PPL: variants seen among roughly 807,000 people sequenced by gnomAD.
PPL encodes periplakin.
Under a neutral mutation model 194.4 loss-of-function variants are expected in PPL, and 198 were observed. That is an observed-to-expected ratio of 1.02 (90% CI 0.91 to 1.15). The LOEUF is 1.15. PPL is among the 50% of genes most tolerant of loss of function. The probability of loss-of-function intolerance (pLI) is 0.00; values close to 1 mark genes in which losing one functional copy is unlikely to be tolerated. For synonymous variants in PPL, 1,220 were observed against 972.4 expected, an observed-to-expected ratio of 1.25 and a Z score of -4.74; for missense variants, 2,885 against 2,294.8, an observed-to-expected ratio of 1.26 and a Z score of -5.25.
At chr16:4,893,154 C>A in intron 14 of PPL, 59 bp downstream of exon 14, 2 of 1,446,034 alleles carry the variant, frequency 1.4e-6, no homozygotes, top group Non-Finnish European at 1.8e-6. Context: ...CAAATAGGGG[C>A]CCCAGGGGGC....
intron 2 of PPL, among the ~76,000 whole-genome samples, chr16:4,907,079 TAAAAA>T (rs57847738): frequency 1.3e-5 from 1 of 76,990 alleles, no homozygotes; most frequent in Non-Finnish European, 2.3e-5. Context: ...ACCCTATCTC[TAAAAA>T]AAAAAAAAAA....
intron 9 of PPL, among the ~76,000 whole-genome samples, chr16:4,897,473 C>G (rs1414542798): frequency 6.6e-6 from 1 of 152,108 alleles, no homozygotes; most frequent in Non-Finnish European, 1.5e-5. Flanking sequence ...CCCTGGTCCC[C>G]AGGGAAGTTG....
intron 1 of PPL, among the ~76,000 whole-genome samples, chr16:4,933,376 G>C (rs2089250442): frequency 6.6e-6 from 1 of 152,162 alleles, no homozygotes; most frequent in South Asian, 2.1e-4. Context: ...GGTCTGGGTG[G>C]AGGGGCAAGA....
intron 9 of PPL, among the ~76,000 whole-genome samples, chr16:4,896,210 G>C (rs1349954563): frequency 6.6e-6 from 1 of 152,180 alleles, no homozygotes; most frequent in Non-Finnish European, 1.5e-5. Context: ...AGCCCCCACT[G>C]TGCGGCTCAG....
intron 6 of PPL, among the ~76,000 whole-genome samples, chr16:4,900,403 C>T (rs983478564): frequency 4.4e-5 from 6 of 137,008 alleles, no homozygotes; most frequent in African/African-American, 1.6e-4. Context: ...CCGCCTCAAC[C>T]CCTCTCCTGA....
chr16:4,907,361 G>T (rs1384823148), intron 2 of PPL, among the ~76,000 whole-genome samples: 1 of 148,194 alleles, frequency 6.7e-6, no homozygotes, highest in Non-Finnish European at 1.5e-5. Flanking sequence ...CACACGGACA[G>T]ATACATGATA....
Position 4,911,892 on chromosome 16 carries a change from A to G in PPL, c.63-943T>C, listed in dbSNP as rs1005928751. 3.9e-5 allele frequency among the ~76,000 whole-genome samples: 6 copies of G among 152,008 alleles called. No homozygotes were observed. The South Asian group carries it at 1.2e-3, about 32-fold the overall frequency. ...CACTCTGTCACCCAGACTGGAGTGC[A>G]GTGGCGTGATCATAGTTCACTATAG... On this transcript the variant is annotated intron_variant, in intron 1 of 21. Coordinates refer to ENST00000345988, the MANE Select transcript of PPL (RefSeq NM_002705.5).
At chr16:4,893,844 G>T (rs767744522) in intron 12 of PPL, 2 of 575,070 alleles carry the variant, frequency 3.5e-6, no homozygotes. Context: ...TCTTTCGTAG[G>T]AAGTCTCACT....
intron 1 of PPL, among the ~76,000 whole-genome samples, chr16:4,913,663 G>T (rs142705715): frequency 1.3e-5 from 2 of 152,162 alleles, no homozygotes; most frequent in Non-Finnish European, 2.9e-5. Flanking sequence ...TCAGCCTTTT[G>T]AGTAGCTGGG....
rs74568038 is a variant in PPL at position 4,890,395 on chromosome 16, T to C, written c.2163-61A>G. 11 of 960,926 alleles carry C rather than the reference T, an allele frequency of 1.1e-5. No homozygotes were observed. The Admixed American group carries it at 2.3e-4, about 20-fold the overall frequency. The allele number at this position is 960,926 out of a possible 1,614,324, so 59.5% of individuals were successfully genotyped here. On this transcript the variant is annotated intron_variant, in intron 17 of 21. Coordinates refer to ENST00000345988, the MANE Select transcript of PPL (RefSeq NM_002705.5). Reference sequence around the variant, plus strand: ...AAACAGATGCCTCACCGAGCCCTCATTTTTTTTTTTAAAGTGGGAAACAAC... The same window carrying C: ...AAACAGATGCCTCACCGAGCCCTCACTTTTTTTTTTAAAGTGGGAAACAAC...
At position 4,897,738 on chromosome 16, in the gene PPL, C is replaced by T. The variant is rs1273061289; in HGVS notation, c.909G>A (p.Lys303=). The T allele has an allele frequency of 3.7e-6, 6 of 1,613,816 alleles. No homozygotes were observed. Among genetic ancestry groups the T allele is most frequent in the Non-Finnish European group, 5.1e-6 (6 of 1,180,008 alleles). ...AHMEAVHADW[K]EYLNLLICEE... ...CGCAGATGAGCAGGTTCAGGTACTC[C>T]TTCCAGTCTGCGTGCACAGCCTCCA... Residue 303 remains lysine (K), a synonymous_variant, in exon 9 of 22, where the codon AAG becomes AAA. Coordinates refer to ENST00000345988, the MANE Select transcript of PPL (RefSeq NM_002705.5).
intron 2 of PPL, among the ~76,000 whole-genome samples, chr16:4,906,900 T>C (rs1027230528): frequency 6.6e-6 from 1 of 152,172 alleles, no homozygotes; most frequent in Admixed American, 6.5e-5. Flanking sequence ...TCTGCGAATG[T>C]AGACACTTCT....
intron 17 of PPL, 70 bp from the exon 18 acceptor site, chr16:4,890,404 TTA>T: frequency 1.4e-6 from 2 of 1,476,166 alleles, no homozygotes; most frequent in Non-Finnish European, 9.0e-7. Context: ...ATTTTTTTTT[TTA>T]AAGTGGGAAA....
intron 1 of PPL, among the ~76,000 whole-genome samples, chr16:4,933,083 C>T (rs1490489216): frequency 2.0e-5 from 3 of 151,590 alleles, no homozygotes; most frequent in African/African-American, 7.3e-5. Flanking sequence ...CTCACTGCAA[C>T]CTCTGCCTCC....
At position 4,900,985 on chromosome 16, in the gene PPL, G is replaced by T; in HGVS notation, c.543C>A (p.His181Gln). ...FHNEVKAIGP[H>Q]LAKDGDKEQN... ...CCACCTTGTCCCCGTCCTTGGCCAG[G>T]TGGGGCCCGATGGCCTTGACCTCAT... The change falls in exon 5 of 22, where the codon CAC becomes CAA. Residue 181 changes from histidine (H) to glutamine (Q), a missense_variant. Coordinates refer to ENST00000345988, the MANE Select transcript of PPL (RefSeq NM_002705.5). 1 of 1,614,176 alleles carries T rather than the reference G, an allele frequency of 6.2e-7. No individual in the cohort carries two copies.
In PPL at chr16:4,890,871, C is replaced by T; in HGVS notation, c.2019G>A (p.Glu673=). 1 of 1,550,652 alleles carries T rather than the reference C, an allele frequency of 6.4e-7. No homozygotes were observed. Among genetic ancestry groups the T allele is most frequent in the African/African-American group, 1.4e-5 (1 of 73,332 alleles). ...QAQKSLLGEV[E]QNLQAAKQCS... ...ACTGCTTGGCCGCCTGCAAGTTCTG[C>T]TCCACCTCACCCAGGAGGGACTTCT... Residue 673 remains glutamate, a synonymous_variant, in exon 17 of 22, where the codon GAG becomes GAA. Coordinates refer to ENST00000345988, the MANE Select transcript of PPL (RefSeq NM_002705.5).
intron 1 of PPL, among the ~76,000 whole-genome samples, chr16:4,926,896 A>AAAAC (rs2089165434): frequency 6.7e-6 from 1 of 150,162 alleles, no homozygotes; most frequent in East Asian, 1.9e-4. Context: ...AAAAAAACAA[A>AAAAC]AAAAAACCAA....
At chr16:4,928,567 G>A (rs1418501208) in intron 1 of PPL, among the ~76,000 whole-genome samples, 1 of 152,256 alleles carries the variant, frequency 6.6e-6, no homozygotes, top group Non-Finnish European at 1.5e-5. Context: ...CACTGCCTGG[G>A]CTAGGATTTC....
rs778535873 is a variant in PPL, at chr16:4,887,212, C to T, written c.2530G>A (p.Ala844Thr). 16 of 1,613,724 alleles carry T rather than the reference C, an allele frequency of 9.9e-6. No individual in the cohort carries two copies. Among genetic ancestry groups the T allele is most frequent in the Admixed American group, 3.3e-5 (2 of 60,004 alleles). Residue 844 changes from alanine (A) to threonine (T), a missense_variant, in exon 21 of 22, where the codon GCC (alanine) becomes ACC (threonine). Coordinates refer to ENST00000345988, the MANE Select transcript of PPL (RefSeq NM_002705.5). ...ATGGCATAAACTTCAGTGAACTTGGCGGCAAGTGCTGCTTCCTGCAGAGAA... is the reference window on the plus strand; with the variant it reads ...ATGGCATAAACTTCAGTGAACTTGGTGGCAAGTGCTGCTTCCTGCAGAGAA... ...KVKEEEAALA[A>T]KFTEVYAINR...
Sources: allele counts gnomAD v4.1 joint callset (sites outside exome capture counted in the v4.1 genomes callset), GRCh38; gene constraint gnomAD v4.1.1; transcripts MANE v1.5; gene names NCBI Gene and HGNC (gene_info 2026-07-23, HGNC 2026-07-21).